Variants in PCDHGA6 observed in about 807,000 individuals in gnomAD.
The protein encoded by PCDHGA6 is protocadherin gamma-A6.
Under a neutral mutation model 60.6 loss-of-function variants are expected in PCDHGA6, and 41 were observed. The ratio of observed to expected loss-of-function variants is 0.68; its 90% CI spans 0.53 to 0.88. The LOEUF (loss-of-function observed/expected upper bound fraction) is 0.88, where lower values mean the gene tolerates loss of function less well. Ranked by LOEUF, PCDHGA6 falls within the 40% of genes least tolerant of loss-of-function variation. The pLI is 0.00. For synonymous variants in PCDHGA6, 594 were observed against 524.4 expected (o/e 1.13, Z -1.81); for missense variants, 1,312 against 1,203.0 (o/e 1.09, Z -1.34).
At chr5:141,380,893 A>G (rs1776824840) in intron 1 of PCDHGA6, among the ~76,000 whole-genome samples, 2 of 152,246 alleles carry the variant, frequency 1.3e-5, no homozygotes, top group East Asian at 3.8e-4. Flanking sequence ...TTTGTTTGAA[A>G]ATATCTACAA....
At chr5:141,408,667 C>G in intron 1 of PCDHGA6, 1 of 1,613,954 alleles carries the variant, frequency 6.2e-7, no homozygotes, top group Non-Finnish European at 8.5e-7. Context: ...TATCGCTTGA[C>G]CCTGCCACGG....
In PCDHGA6 at chr5:141,485,713, G is replaced by A. The variant is rs769162337; in HGVS notation, c.2425-9094G>A. The stretch of plus-strand genomic sequence containing the variant: ...TGAGCTCCAATGAACACTTTGCACT[G>A]GATGTGAAGAAGCGCAGCGACGGCA... On this transcript the variant is annotated intron_variant, in intron 1 of 3. Transcript: ENST00000517434. The surrounding 1 kb of genome is among the most constrained non-coding windows in gnomAD (Gnocchi z 5.7). 2 of 1,614,084 alleles carry A rather than the reference G, an allele frequency of 1.2e-6. No homozygotes were observed. The highest frequency in any genetic ancestry group is 1.3e-5 in the African/African-American group (1 of 74,942).
chr5:141,403,137 G>C (rs2094359580), intron 1 of PCDHGA6: 1 of 1,614,038 alleles, frequency 6.2e-7, no homozygotes, highest in Non-Finnish European at 8.5e-7. Flanking sequence ...CTGGCGGAGC[G>C]CCGAGTCCGC....
At chr5:141,404,068 T>C (rs2094481501) in intron 1 of PCDHGA6, 3 of 1,613,782 alleles carry the variant, frequency 1.9e-6, no homozygotes, top group Non-Finnish European at 2.5e-6. Flanking sequence ...TCAATGCTCA[T>C]GACCGAGACT....
intron 1 of PCDHGA6, chr5:141,415,663 T>C: frequency 6.3e-7 from 1 of 1,578,204 alleles, no homozygotes; most frequent in Non-Finnish European, 8.6e-7. Flanking sequence ...GATTGGTTTT[T>C]ACTTTGAAGT....
intron 1 of PCDHGA6, among the ~76,000 whole-genome samples, chr5:141,456,105 G>T (rs2098843517): frequency 6.6e-6 from 1 of 151,978 alleles, no homozygotes; most frequent in Non-Finnish European, 1.5e-5. Context: ...CACCGTGTTA[G>T]CCAGGATGGT....
intron 1 of PCDHGA6, among the ~76,000 whole-genome samples, chr5:141,468,788 C>T (rs2099179417): frequency 6.6e-6 from 1 of 151,926 alleles, no homozygotes; most frequent in Admixed American, 6.6e-5. Context: ...ATGGCGTGAA[C>T]CCGGGAGGCG....
Position 141,481,556 on chromosome 5 carries a change from G to A in PCDHGA6, c.2425-13251G>A, listed in dbSNP as rs553126587. Among the ~76,000 whole-genome samples the A allele has an allele frequency of 1.2e-4, 18 of 152,266 alleles. No homozygotes were observed. The South Asian group carries it at 1.4e-3, about 12-fold the overall frequency. On this transcript the variant is annotated intron_variant, in intron 1 of 3. Coordinates refer to ENST00000517434, the MANE Select transcript of PCDHGA6 (RefSeq NM_018919.3). ...GATGGGGCTGGGCTCAGTGGCTCAC[G>A]CCTGTAATCCCAGTACTTAGGGAGG...
chr5:141,456,878 G>A (rs71583646), intron 1 of PCDHGA6, among the ~76,000 whole-genome samples: 21 of 152,162 alleles, frequency 1.4e-4, no homozygotes, highest in African/African-American at 2.4e-4. Flanking sequence ...CAGGAGAATC[G>A]CTTGAACCCG....
chr5:141,405,612 C>T, intron 1 of PCDHGA6: 1 of 557,514 alleles, frequency 1.8e-6, no homozygotes, highest in Non-Finnish European at 3.2e-6. Flanking sequence ...ATAACTGGGA[C>T]TACAGGCACG....
intron 1 of PCDHGA6, chr5:141,471,252 T>A (rs1003162914): frequency 6.6e-6 from 1 of 151,872 alleles, no homozygotes; most frequent in Admixed American, 6.6e-5. Flanking sequence ...GGTTTCACCA[T>A]GTTGGCAAGG....
chr5:141,487,783 G>T lies in PCDHGA6; in HGVS notation c.2425-7024G>T. The T allele has an allele frequency of 6.6e-7, 1 of 1,522,846 alleles. No homozygotes were observed. The allele number at this position is 1,522,846 out of a possible 1,614,324, so 94.3% of individuals were successfully genotyped here. ...ACGCTGTGCTTTGTAACTGTTTCGT[G>T]AATTAACCAGAGTTGTCACAGTTTA... is the stretch of plus-strand genomic sequence containing the variant. On this transcript the variant is annotated intron_variant, in intron 1 of 3. Transcript: ENST00000517434. The surrounding 1 kb of genome is among the most constrained non-coding windows in gnomAD (Gnocchi z 5.0).
intron 1 of PCDHGA6, chr5:141,414,732 T>G: frequency 6.2e-7 from 1 of 1,614,186 alleles, no homozygotes; most frequent in Non-Finnish European, 8.5e-7. Context: ...GCGTCCTGTA[T>G]GCACTCAGAT....
intron 2 of PCDHGA6, among the ~76,000 whole-genome samples, chr5:141,496,206 A>C (rs2099766963): frequency 6.6e-6 from 1 of 152,126 alleles, no homozygotes; most frequent in South Asian, 2.1e-4. Context: ...TCAATCTGGT[A>C]TGAATTCCTG....
In PCDHGA6 at chr5:141,375,395, A is replaced by T. The variant is rs571734136; in HGVS notation, c.1312A>T (p.Ile438Phe). 1.2e-6 allele frequency: 2 copies of T among 1,613,932 alleles called. No individual in the cohort carries two copies. The highest frequency in any genetic ancestry group is 2.2e-5 in the South Asian group (2 of 91,080). ...ACCACCTCTGTCTACAGAAACAATC[A>T]TCTCTCTAAATGTGGCAGACACCAA... ...GTPPLSTETI[I>F]SLNVADTNDN... Residue 438 changes from isoleucine (I) to phenylalanine (F), a missense_variant, in exon 1 of 4, where the codon ATC (isoleucine) becomes TTC (phenylalanine). Coordinates refer to ENST00000517434, the MANE Select transcript of PCDHGA6 (RefSeq NM_018919.3).
chr5:141,478,878 T>C (rs946127535), intron 1 of PCDHGA6: 8 of 1,250,076 alleles, frequency 6.4e-6, no homozygotes, highest in Non-Finnish European at 8.6e-6. Context: ...GAGTTTAGCT[T>C]GGTATCATTT....
intron 1 of PCDHGA6, chr5:141,479,355 A>G (rs2099493778): frequency 6.6e-6 from 1 of 152,506 alleles, no homozygotes; most frequent in Non-Finnish European, 1.5e-5. Flanking sequence ...CTTGCTGCTC[A>G]GTGCCTGAGG....
intron 1 of PCDHGA6, among the ~76,000 whole-genome samples, chr5:141,444,275 G>A (rs1427489988): frequency 7.1e-6 from 1 of 141,698 alleles, no homozygotes; most frequent in Non-Finnish European, 1.5e-5. Flanking sequence ...AGGTTCAAGT[G>A]ATTCTCCTGC....
Position 141,486,173 on chromosome 5 carries a change from T to C in PCDHGA6, c.2425-8634T>C. 1 of 1,614,220 alleles carries C rather than the reference T, an allele frequency of 6.2e-7. No homozygotes were observed. Among genetic ancestry groups the C allele is most frequent in the Non-Finnish European group, 8.5e-7 (1 of 1,180,042 alleles). ...GGGTTCTCCAGCCATGGAGCAACATTGCAGCCTTCGAGTGGATCTGCTGGA... is the reference window on the plus strand; with the variant it reads ...GGGTTCTCCAGCCATGGAGCAACATCGCAGCCTTCGAGTGGATCTGCTGGA... On this transcript the variant is annotated intron_variant, in intron 1 of 3. Transcript: ENST00000517434. The surrounding 1 kb of genome is among the most constrained non-coding windows in gnomAD (Gnocchi z 5.0).
Sources: gnomAD v4.1 joint callset for allele counts (sites outside exome capture counted in the v4.1 genomes callset) on GRCh38, gnomAD v4.1.1 for gene constraint, Gnocchi (gnomAD v3.1) non-coding constraint, MANE v1.5 for transcripts, NCBI Gene and HGNC (gene_info 2026-07-23, HGNC 2026-07-21) for gene names.